Variants in RSPRY1 observed in about 807,000 individuals in gnomAD.
RSPRY1 encodes the protein ring finger and SPRY domain containing 1.
In RSPRY1, 23 loss-of-function variants were observed where a neutral mutation model predicts 73.1. The ratio of observed to expected loss-of-function variants is 0.31; its 90% CI spans 0.23 to 0.45. The LOEUF (loss-of-function observed/expected upper bound fraction) is 0.45, where lower values mean the gene tolerates loss of function less well. Among genes scored for constraint, RSPRY1 ranks in the 20% least tolerant of loss-of-function variants. The pLI, the probability that RSPRY1 is intolerant of heterozygous loss-of-function variation, is 1.00. For synonymous variants in RSPRY1, 226 were observed against 251.4 expected, an observed-to-expected ratio of 0.90 and a Z score of 0.95; for missense variants, 448 against 698.7, an observed-to-expected ratio of 0.64 and a Z score of 4.05.
chr16:57,234,532 A>C (rs1338375111), intron 13 of RSPRY1, among the ~76,000 whole-genome samples: 2 of 152,244 alleles, frequency 1.3e-5, no homozygotes, highest in African/African-American at 4.8e-5. Context: ...CCTGGCACAC[A>C]GTAAGCCCGT....
intron 8 of RSPRY1, among the ~76,000 whole-genome samples, chr16:57,217,757 A>G (rs769690382): frequency 6.6e-6 from 1 of 150,878 alleles, no homozygotes; most frequent in African/African-American, 2.4e-5. Flanking sequence ...AGAGTGATCA[A>G]CCTGTATACT....
At position 57,211,953 on chromosome 16, in the gene RSPRY1, A is replaced by T. The variant is rs2074851527; in HGVS notation, c.517-1019A>T. Among the ~76,000 whole-genome samples, 2 of 152,164 alleles carry T rather than the reference A, an allele frequency of 1.3e-5. 1 individual carries two copies. Among genetic ancestry groups the T allele is most frequent in the South Asian group, 4.1e-4 (2 of 4,836 alleles). On this transcript the variant is annotated intron_variant, in intron 4 of 14. Coordinates refer to ENST00000394420, the MANE Select transcript of RSPRY1 (RefSeq NM_133368.3). Reference sequence around the variant, plus strand: ...TTGTGGACGGAAGGGGAAAGTCTTTAGCGTAGTCACCAATGAATTGACCTT... The same window carrying T: ...TTGTGGACGGAAGGGGAAAGTCTTTTGCGTAGTCACCAATGAATTGACCTT...
At chr16:57,217,413 T>C (rs1297351381) in intron 8 of RSPRY1, among the ~76,000 whole-genome samples, 1 of 152,076 alleles carries the variant, frequency 6.6e-6, no homozygotes, top group Non-Finnish European at 1.5e-5. Context: ...CCTCTTTACT[T>C]CTCTCCCTTT....
intron 1 of RSPRY1, among the ~76,000 whole-genome samples, chr16:57,201,052 G>A (rs978978095): frequency 0.033 from 1,940 of 58,164 alleles, no homozygotes; most frequent in Non-Finnish European, 0.043. Flanking sequence ...CTGGCCGGGC[G>A]GGGGGCTGAC....
At chr16:57,189,880 C>T (rs2074324202) in intron 1 of RSPRY1, among the ~76,000 whole-genome samples, 1 of 152,052 alleles carries the variant, frequency 6.6e-6, no homozygotes, top group African/African-American at 2.4e-5. Context: ...TGTGAGCCAC[C>T]ATGCCTGGCC....
At chr16:57,198,482 A>G (rs1427421728) in intron 1 of RSPRY1, among the ~76,000 whole-genome samples, 1 of 152,186 alleles carries the variant, frequency 6.6e-6, no homozygotes, top group Non-Finnish European at 1.5e-5. Flanking sequence ...AGAATTTAAG[A>G]TCCAACAAAC....
intron 1 of RSPRY1, among the ~76,000 whole-genome samples, chr16:57,201,275 C>A (rs1230895207): frequency 2.0e-5 from 3 of 151,700 alleles, no homozygotes; most frequent in African/African-American, 7.3e-5. Context: ...CTCCTCACTT[C>A]TCAGACGGGG....
intron 4 of RSPRY1, among the ~76,000 whole-genome samples, chr16:57,211,676 C>T (rs1307291226): frequency 1.3e-5 from 2 of 152,014 alleles, no homozygotes; most frequent in Non-Finnish European, 1.5e-5. Flanking sequence ...ACAAAAGCAT[C>T]GAACTTTCAT....
intron 1 of RSPRY1, among the ~76,000 whole-genome samples, chr16:57,201,976 G>A (rs1168011704): frequency 6.6e-6 from 1 of 151,838 alleles, no homozygotes; most frequent in Non-Finnish European, 1.5e-5. Flanking sequence ...AGAGGGAGAG[G>A]AGGGAGAGGG....
At chr16:57,196,442 A>G (rs1184930763) in intron 1 of RSPRY1, among the ~76,000 whole-genome samples, 4 of 152,162 alleles carry the variant, frequency 2.6e-5, no homozygotes, top group Non-Finnish European at 5.9e-5. Context: ...GGTAGGTTCT[A>G]TACACAGTGA....
chr16:57,221,364 T>G lies in RSPRY1; in HGVS notation c.1110T>G (p.Ser370=), dbSNP rs773112439. 3.1e-6 allele frequency: 5 copies of G among 1,614,072 alleles called. No individual in the cohort carries two copies. In the African/African-American group the frequency reaches 6.7e-5, roughly 22 times the overall value. Residue 370 remains serine (S), a synonymous_variant, in exon 10 of 15, where the codon TCT becomes TCG. Transcript: ENST00000394420. ...VWYYEVTVVT[S]GVMQIGWATR... ...ACTATGAAGTAACAGTGGTCACTTC[T>G]GGCGTCATGCAGATTGGCTGGGCCA...
At chr16:57,211,921 A>G (rs1186748881) in intron 4 of RSPRY1, among the ~76,000 whole-genome samples, 1 of 152,148 alleles carries the variant, frequency 6.6e-6, no homozygotes, top group Non-Finnish European at 1.5e-5. Flanking sequence ...CCCAGTGCAG[A>G]AAAACATTGT....
intron 8 of RSPRY1, 53 bp from the exon 9 acceptor site, chr16:57,220,679 T>C (rs1597907818): frequency 8.2e-7 from 1 of 1,223,578 alleles, no homozygotes; most frequent in Non-Finnish European, 1.2e-6. Context: ...ACTAGCTTCT[T>C]CTTTTCTCCA....
At position 57,231,227 on chromosome 16, in the gene RSPRY1, A is replaced by C. The variant is rs1050898488; in HGVS notation, c.1437A>C (p.Gly479=). The part of the protein sequence containing the change: ...MSYQQCEFNF[G]AKPFKYPPSM... ...ATCAACAATGTGAGTTCAATTTTGG[A>C]GCAAAACCATTCAAATACCCACCAT... The change falls in exon 13 of 15, where the codon GGA becomes GGC. Residue 479 remains glycine (G), a synonymous_variant. Coordinates refer to ENST00000394420, the MANE Select transcript of RSPRY1 (RefSeq NM_133368.3). 6.2e-7 allele frequency: 1 copy of C among 1,613,962 alleles called. No individual in the cohort carries two copies.
At chr16:57,195,887 T>C (rs2146182252) in intron 1 of RSPRY1, among the ~76,000 whole-genome samples, 1 of 151,898 alleles carries the variant, frequency 6.6e-6, no homozygotes, top group South Asian at 2.1e-4. Context: ...CTGAGCGTGG[T>C]GGCACGCACC....
rs555743505 is a variant in RSPRY1 at position 57,205,912 on chromosome 16, T to C, written c.350+904T>C. ...GTAGTATTTTTTAAAAAGTTACTTA[T>C]GTGTTCTTTTTGCTTCAGGCCCTGC... On this transcript the variant is annotated intron_variant, in intron 2 of 14. Transcript: ENST00000394420. Among the ~76,000 whole-genome samples, 21 of 152,332 alleles carry C rather than the reference T, an allele frequency of 1.4e-4. No homozygotes were observed. In the South Asian group the frequency reaches 2.3e-3, roughly 17 times the overall value.
chr16:57,215,468 G>T (rs1319805011), intron 6 of RSPRY1, among the ~76,000 whole-genome samples: 1 of 152,198 alleles, frequency 6.6e-6, no homozygotes, highest in African/African-American at 2.4e-5. Context: ...GGCTCCCAAT[G>T]TAGCAGTAGG....
At chr16:57,214,032 T>C in intron 6 of RSPRY1, 86 bp downstream of exon 6, 1 of 886,218 alleles carries the variant, frequency 1.1e-6, no homozygotes, top group South Asian at 1.4e-5. Context: ...ATTGCTGGCA[T>C]AGCCACTGGC....
Position 57,216,042 on chromosome 16 carries a change from A to G in RSPRY1, c.703-65A>G, listed in dbSNP as rs2074932908. On this transcript the variant is annotated intron_variant, in intron 6 of 14. Transcript: ENST00000394420. ...CATATTGGGCAAGGAAATGAAACTG[A>G]TAACTTGCCACCTCTGCAGGGGAAT... The G allele has an allele frequency of 3.9e-6, 5 of 1,278,168 alleles. No individual in the cohort carries two copies. The African/African-American group carries it at 6.0e-5, about 15-fold the overall frequency. 79.2% of individuals were successfully genotyped at this position (1,278,168 alleles called of 1,614,324 possible).
Sources: gnomAD v4.1 joint callset for allele counts (sites outside exome capture counted in the v4.1 genomes callset) on GRCh38, gnomAD v4.1.1 for gene constraint, MANE v1.5 for transcripts, NCBI Gene and HGNC (gene_info 2026-07-23, HGNC 2026-07-21) for gene names.